The following SARDH variants were observed in gnomAD, a reference collection of about 807,000 sequenced individuals.
The protein encoded by SARDH is sarcosine dehydrogenase, also known as sarcosine dehydrogenase, mitochondrial.
Under a neutral mutation model 109.1 loss-of-function variants are expected in SARDH, and 95 were observed. The observed-to-expected ratio is 0.87, with a 90% CI of 0.74 to 1.03. The LOEUF is 1.03. Ranked by LOEUF, SARDH falls within the 50% of genes least tolerant of loss-of-function variation. SARDH has a pLI of 0.00. For synonymous variants in SARDH, 572 were observed against 534.8 expected (o/e 1.07, Z -0.96); for missense variants, 1,267 against 1,287.8 (o/e 0.98, Z 0.25).
At chr9:133,705,642 C>A (rs542392181) in intron 11 of SARDH, among the ~76,000 whole-genome samples, 5 of 151,988 alleles carry the variant, frequency 3.3e-5, no homozygotes, top group Admixed American at 3.3e-4. Flanking sequence ...CCCCATCTGC[C>A]CTGGCCCCGA....
At chr9:133,717,214 C>A in intron 8 of SARDH, 112 bp downstream of exon 8, 2 of 1,377,030 alleles carry the variant, frequency 1.5e-6, no homozygotes, top group African/African-American at 1.4e-5. Flanking sequence ...GGACCGGGGA[C>A]AGCCCTGGGT....
chr9:133,707,221 G>C (rs551916758), intron 11 of SARDH, among the ~76,000 whole-genome samples: 2 of 152,356 alleles, frequency 1.3e-5, no homozygotes, highest in African/African-American at 2.4e-5. Context: ...CCCTTGCCAA[G>C]TTTCTTCGGT....
intron 16 of SARDH, 22 bp downstream of exon 16, chr9:133,690,358 C>G (rs200282226): frequency 2.5e-6 from 4 of 1,597,136 alleles, no homozygotes; most frequent in African/African-American, 2.7e-5. Flanking sequence ...CACCCAGGGG[C>G]GGGCTCCCAG....
At chr9:133,664,204 T>C (rs1467599813) in intron 20 of SARDH, among the ~76,000 whole-genome samples, 190 bp from the exon 21 acceptor site, 2 of 152,300 alleles carry the variant, frequency 1.3e-5, no homozygotes, top group South Asian at 2.1e-4. Flanking sequence ...CCATGTGATC[T>C]TGAGTTGGAC....
At chr9:133,717,677 C>T (rs1226276259) in intron 7 of SARDH, among the ~76,000 whole-genome samples, 1 of 152,120 alleles carries the variant, frequency 6.6e-6, no homozygotes, top group Non-Finnish European at 1.5e-5. Flanking sequence ...AGGCCTCCAC[C>T]CACTCCCCTA....
chr9:133,734,384 T>TTCATTCATTCAC (rs1429592982), intron 1 of SARDH, among the ~76,000 whole-genome samples, 181 bp from the exon 2 acceptor site: 1 of 147,042 alleles, frequency 6.8e-6, no homozygotes, highest in Non-Finnish European at 1.5e-5. Context: ...CATTCACTCA[T>TTCATTCATTCAC]TCATTCATTC....
At chr9:133,726,780 G>A (rs115536347) in intron 6 of SARDH, among the ~76,000 whole-genome samples, 4,981 of 152,150 alleles carry the variant, frequency 0.033, 164 homozygotes, top group South Asian at 0.11. Flanking sequence ...CCTGCCCTCC[G>A]TGTTCTCTTC....
At chr9:133,734,424 T>TCATTCATTCACTCACTCATTCATTCAC (rs1564304300) in intron 1 of SARDH, among the ~76,000 whole-genome samples, 1 of 140,146 alleles carries the variant, frequency 7.1e-6, no homozygotes, top group Non-Finnish European at 1.6e-5. Context: ...CATTCATTCA[T>TCATTCATTCACTCACTCATTCATTCAC]TCACTCATTC....
chr9:133,659,894 G>T (rs1300725445), downstream of SARDH, among the ~76,000 whole-genome samples: 1 of 152,182 alleles, frequency 6.6e-6, no homozygotes, highest in East Asian at 2.0e-4. Context: ...CCAGCCCAGA[G>T]AAGGGTCCCA....
chr9:133,671,680 C>T lies in SARDH; in HGVS notation c.2181G>A (p.Leu727=). The T allele has an allele frequency of 6.3e-7, 1 of 1,580,652 alleles. No individual in the cohort carries two copies. Among genetic ancestry groups the T allele is most frequent in the Non-Finnish European group, 8.6e-7 (1 of 1,163,532 alleles). The change falls in exon 18 of 21, where the codon CTG becomes CTA. Residue 727 remains leucine (L), a synonymous_variant. Coordinates refer to ENST00000439388, the MANE Select transcript of SARDH (RefSeq NM_001134707.2). Reference sequence around the variant, plus strand: ...CCCAGCCCAGCTCCCCCACAAAGGACAGCCGCATGGCTCGGACCTGGGGGA... The same window carrying T: ...CCCAGCCCAGCTCCCCCACAAAGGATAGCCGCATGGCTCGGACCTGGGGGA... ...AAGHLVRAMR[L]SFVGELGWEL...
At chr9:133,663,267 C>G (rs1829944861), downstream of SARDH, among the ~76,000 whole-genome samples, 2 of 152,232 alleles carry the variant, frequency 1.3e-5, no homozygotes, top group African/African-American at 2.4e-5. Context: ...TTCGGCTCCT[C>G]TGTGTTCCCG....
rs1830309961 is a variant in SARDH at position 133,670,622 on chromosome 9, T to C, written c.2457A>G (p.Ala819=). 2 of 1,579,042 alleles carry C rather than the reference T, an allele frequency of 1.3e-6. No homozygotes were observed. The highest frequency in any genetic ancestry group is 1.8e-5 in the Admixed American group (1 of 55,010). ...GREALEQQRA[A]GLRRRLVCFT... is the part of the protein sequence containing the mutation. Reference sequence around the variant, plus strand: ...AGCACACCAGGCGCCGGCGGAGGCCTGCGGCCCGCTGCTGCTCCAGGGCCT... The same window carrying C: ...AGCACACCAGGCGCCGGCGGAGGCCCGCGGCCCGCTGCTGCTCCAGGGCCT... The change falls in exon 19 of 21, where the codon GCA becomes GCG. Residue 819 remains alanine, a synonymous_variant. Transcript: ENST00000439388.
upstream of SARDH, among the ~76,000 whole-genome samples, chr9:133,739,440 T>C (rs376189591): frequency 9.9e-5 from 15 of 152,194 alleles, no homozygotes; most frequent in Non-Finnish European, 1.8e-4. Flanking sequence ...TATAGTGACA[T>C]CTAAGACCCA....
chr9:133,723,276 T>C (rs1832386442), intron 6 of SARDH, among the ~76,000 whole-genome samples: 1 of 152,174 alleles, frequency 6.6e-6, no homozygotes, highest in Admixed American at 6.5e-5. Flanking sequence ...AGAAATTAAA[T>C]AGCTGACCCT....
chr9:133,659,706 T>G (rs1001451664), downstream of SARDH, among the ~76,000 whole-genome samples: 3 of 152,134 alleles, frequency 2.0e-5, no homozygotes, highest in Non-Finnish European at 4.4e-5. Flanking sequence ...GCCCAGGAGC[T>G]CTGCCTCACG....
chr9:133,660,552 A>ATGAT (rs1188858135), downstream of SARDH, among the ~76,000 whole-genome samples: 3 of 152,282 alleles, frequency 2.0e-5, no homozygotes, highest in Middle Eastern at 3.4e-3. Flanking sequence ...CACCTTCCGA[A>ATGAT]TGATTGGGGT....
At position 133,729,660 on chromosome 9, in the gene SARDH, T is replaced by C; in HGVS notation, c.915+105A>G. 3 of 902,032 alleles carry C rather than the reference T, an allele frequency of 3.3e-6. No individual in the cohort carries two copies. The South Asian group carries it at 4.7e-5, about 14-fold the overall frequency. 55.9% of individuals were successfully genotyped at this position (902,032 alleles called of 1,614,324 possible). A position where few individuals can be genotyped will look rare whatever the true frequency, so the allele number is the denominator to read the frequency against. ...ATGAGGTGACTGAGGCTTGGGGCAGTGAGGGGACCCACAAGGGTCACACCA... is the reference window on the plus strand; with the variant it reads ...ATGAGGTGACTGAGGCTTGGGGCAGCGAGGGGACCCACAAGGGTCACACCA... On this transcript the variant is annotated intron_variant, in intron 6 of 20. Coordinates refer to ENST00000439388, the MANE Select transcript of SARDH (RefSeq NM_001134707.2).
At position 133,690,402 on chromosome 9, in the gene SARDH, T is replaced by C; in HGVS notation, c.2047A>G (p.Ile683Val). Residue 683 changes from isoleucine (I) to valine (V), a missense_variant, in exon 16 of 21, where the codon ATC (isoleucine) becomes GTC (valine). Ile to Val is a conservative substitution (Grantham distance 29). Coordinates refer to ENST00000439388, the MANE Select transcript of SARDH (RefSeq NM_001134707.2). ...CACCTGGCTGGGCCCTGGATACTGA[T>C]CATACCCAGGTCCTCGGAGCTGTCG... ...LIDSSEDLGM[I>V]SIQGPASRAI... The C allele has an allele frequency of 1.2e-6, 2 of 1,613,020 alleles. No individual in the cohort carries two copies. The highest frequency in any genetic ancestry group is 1.7e-6 in the Non-Finnish European group (2 of 1,179,848).
intron 13 of SARDH, among the ~76,000 whole-genome samples, chr9:133,696,982 A>C (rs1831310063): frequency 1.3e-5 from 2 of 152,152 alleles, no homozygotes; most frequent in Admixed American, 1.3e-4. Context: ...AGAAATAAGA[A>C]TCGAAAAATA....
Sources: gnomAD v4.1 joint callset for allele counts (sites outside exome capture counted in the v4.1 genomes callset) on GRCh38, gnomAD v4.1.1 for gene constraint, MANE v1.5 for transcripts, NCBI Gene and HGNC (gene_info 2026-07-23, HGNC 2026-07-21) for gene names.